The following DPY19L3 variants were observed in gnomAD, a reference collection of about 807,000 sequenced individuals.
DPY19L3 encodes protein C-mannosyl-transferase DPY19L3.
In DPY19L3, 51 loss-of-function variants were observed where a neutral mutation model predicts 92.3. The observed-to-expected ratio is 0.55, with a 90% CI of 0.44 to 0.70. DPY19L3 has a LOEUF of 0.70. DPY19L3 is among the 30% of genes least tolerant of loss of function. DPY19L3 has a pLI of 0.00. For synonymous variants in DPY19L3, 309 were observed against 315.2 expected (o/e 0.98, Z 0.21); for missense variants, 706 against 855.9 (o/e 0.82, Z 2.18).
chr19:32,476,245 G>A (rs906625642), intron 16 of DPY19L3, among the ~76,000 whole-genome samples: 4 of 152,082 alleles, frequency 2.6e-5, no homozygotes, highest in African/African-American at 9.7e-5. Flanking sequence ...AGCTAGTTGC[G>A]TGCCCTGCTC....
rs2145654670 is a variant in DPY19L3 at position 32,485,290 on chromosome 19, A to G, written c.*3050A>G. 1 of 152,286 alleles carries G rather than the reference A, an allele frequency of 6.6e-6. No homozygotes were observed. The highest frequency in any genetic ancestry group is 2.1e-4 in the South Asian group (1 of 4,826). The allele number at this position is 152,286 out of a possible 1,614,324, so 9.4% of individuals were successfully genotyped here. A position where few individuals can be genotyped will look rare whatever the true frequency, so the allele number is the denominator to read the frequency against. On this transcript the variant is annotated 3_prime_UTR_variant, in exon 19 of 19. Transcript: ENST00000392250. ...ACAGGCATTTGAAAAATAGGGATTC[A>G]TTTCGAATATATTAGCCAGGAGCAT...
chr19:32,433,177 C>G (rs561153325), intron 4 of DPY19L3, among the ~76,000 whole-genome samples: 1 of 152,256 alleles, frequency 6.6e-6, no homozygotes, highest in South Asian at 2.1e-4. Flanking sequence ...CTCTTGTCCC[C>G]AGTGCTCCAT....
At chr19:32,426,055 C>T (rs1968751012) in intron 3 of DPY19L3, among the ~76,000 whole-genome samples, 1 of 152,222 alleles carries the variant, frequency 6.6e-6, no homozygotes, top group Admixed American at 6.5e-5. Flanking sequence ...CATCAGGGAT[C>T]TTAGCTGGAT....
chr19:32,439,835 T>C lies in DPY19L3; in HGVS notation c.780T>C (p.Phe260=), dbSNP rs1482713234. The change falls in exon 8 of 19, where the codon TTT becomes TTC. Residue 260 remains phenylalanine, a synonymous_variant. Coordinates refer to ENST00000392250, the MANE Select transcript of DPY19L3 (RefSeq NM_001172774.2). Reference sequence around the variant, plus strand: ...TTCTCTTTAGTCTGACATGGCAATTTAATCAATTTATGATGCTGATGCAAG... The same window carrying C: ...TTCTCTTTAGTCTGACATGGCAATTCAATCAATTTATGATGCTGATGCAAG... ...STFLFSLTWQ[F]NQFMMLMQAL... is the part of the protein sequence containing the mutation. The C allele has an allele frequency of 1.2e-6, 2 of 1,613,966 alleles. No homozygotes were observed. Among genetic ancestry groups the C allele is most frequent in the Admixed American group, 3.3e-5 (2 of 60,018 alleles).
At chr19:32,452,237 G>T (rs1334128242) in intron 8 of DPY19L3, among the ~76,000 whole-genome samples, 2 of 152,210 alleles carry the variant, frequency 1.3e-5, no homozygotes, top group African/African-American at 2.4e-5. Flanking sequence ...AGGTCACATA[G>T]CTGGTTTGCA....
chr19:32,471,518 A>T (rs1007279674), intron 16 of DPY19L3, among the ~76,000 whole-genome samples: 1 of 152,198 alleles, frequency 6.6e-6, no homozygotes, highest in Non-Finnish European at 1.5e-5. Flanking sequence ...CCATTTTGGC[A>T]CAGGGCACCC....
At chr19:32,454,687 T>C (rs1456209191) in intron 9 of DPY19L3, among the ~76,000 whole-genome samples, 1 of 152,042 alleles carries the variant, frequency 6.6e-6, no homozygotes, top group African/African-American at 2.4e-5. Context: ...AAAAAATAAT[T>C]AGGAAAAAAA....
chr19:32,439,954 G>A, intron 8 of DPY19L3, 44 bp downstream of exon 8: 6 of 1,605,548 alleles, frequency 3.7e-6, no homozygotes, highest in Non-Finnish European at 5.1e-6. Context: ...TGGCCATTTA[G>A]TGTTTTTATA....
intron 16 of DPY19L3, among the ~76,000 whole-genome samples, chr19:32,475,334 A>C (rs1599677360): frequency 6.6e-6 from 1 of 152,200 alleles, no homozygotes; most frequent in African/African-American, 2.4e-5. Flanking sequence ...AACCAGGATC[A>C]TTCGCCTCTG....
intron 15 of DPY19L3, among the ~76,000 whole-genome samples, chr19:32,466,829 C>G (rs1297339303): frequency 6.6e-6 from 1 of 152,186 alleles, no homozygotes; most frequent in Non-Finnish European, 1.5e-5. Context: ...TATTTCATCT[C>G]CACAAAACTT....
chr19:32,433,250 C>G (rs976489863), intron 4 of DPY19L3, among the ~76,000 whole-genome samples: 5 of 152,050 alleles, frequency 3.3e-5, no homozygotes, highest in African/African-American at 1.2e-4. Flanking sequence ...TGGGTTAGAC[C>G]CCACACTCTG....
chr19:32,469,069 C>T (rs1347273235), intron 16 of DPY19L3: 1 of 251,152 alleles, frequency 4.0e-6, no homozygotes, highest in African/African-American at 2.2e-5. Flanking sequence ...AAATAAATTT[C>T]AAACCACTGA....
chr19:32,436,370 A>G (rs912619328), intron 4 of DPY19L3, 76 bp from the exon 5 acceptor site: 5 of 1,157,388 alleles, frequency 4.3e-6, no homozygotes, highest in East Asian at 2.7e-5. Flanking sequence ...CTTACTAAAC[A>G]ATCTGTGCAT....
In DPY19L3 at chr19:32,482,212, A is replaced by G. The variant is rs769060681; in HGVS notation, c.2123A>G (p.His708Arg). The G allele has an allele frequency of 3.1e-6, 5 of 1,613,334 alleles. No individual in the cohort carries two copies. In the Admixed American group the frequency reaches 5.0e-5, roughly 16 times the overall value. The change falls in exon 19 of 19, where the codon CAC becomes CGC. Residue 708 changes from histidine (H) to arginine (R), a missense_variant. His to Arg is a conservative substitution (Grantham distance 29). Transcript: ENST00000392250. ...FTRVFQNKTF[H>R]VYKLSRNK ...AGAGTGTTCCAGAACAAAACCTTCC[A>G]CGTTTACAAGCTGTCCAGAAACAAG...
At chr19:32,458,656 C>A in intron 12 of DPY19L3, 147 bp downstream of exon 12, 1 of 828,840 alleles carries the variant, frequency 1.2e-6, no homozygotes, top group Non-Finnish European at 1.9e-6. Context: ...GAGTGGACTA[C>A]ACTCCCAGTA....
At chr19:32,425,276 G>A (rs1290877213) in intron 3 of DPY19L3, among the ~76,000 whole-genome samples, 1 of 152,124 alleles carries the variant, frequency 6.6e-6, no homozygotes, top group Non-Finnish European at 1.5e-5. Context: ...ATCAGACCAG[G>A]TGCTGTGGCT....
chr19:32,478,224 C>A (rs535974072), intron 17 of DPY19L3, among the ~76,000 whole-genome samples: 1 of 152,086 alleles, frequency 6.6e-6, no homozygotes, highest in Non-Finnish European at 1.5e-5. Flanking sequence ...GACCACAGGT[C>A]CTCCCCAGGT....
At chr19:32,423,352 C>G (rs949774619) in intron 3 of DPY19L3, among the ~76,000 whole-genome samples, 1 of 150,018 alleles carries the variant, frequency 6.7e-6, no homozygotes, top group East Asian at 2.0e-4. Flanking sequence ...AGTTGTGCCT[C>G]AGCCTCCCCA....
chr19:32,452,994 A>G (rs1420755904), intron 8 of DPY19L3, 151 bp from the exon 9 acceptor site: 7 of 884,774 alleles, frequency 7.9e-6, no homozygotes, highest in Non-Finnish European at 1.0e-5. Flanking sequence ...GATGTGAGCC[A>G]CCGCGCCTGG....
Sources: allele counts gnomAD v4.1 joint callset (sites outside exome capture counted in the v4.1 genomes callset), GRCh38; gene constraint gnomAD v4.1.1; transcripts MANE v1.5; gene names NCBI Gene and HGNC (gene_info 2026-07-23, HGNC 2026-07-21).